The following DDX43 variants were observed in gnomAD, a reference collection of about 807,000 sequenced individuals.
DDX43 encodes DEAD-box helicase 43, also known as probable ATP-dependent RNA helicase DDX43.
DDX43 carries 50 observed loss-of-function variants against 84.9 expected under a neutral mutation model. The observed-to-expected ratio is 0.59, with a 90% CI of 0.47 to 0.75. The LOEUF (loss-of-function observed/expected upper bound fraction) is 0.75. DDX43 is among the 30% of genes least tolerant of loss of function. The probability of loss-of-function intolerance (pLI) is 0.00; values close to 1 mark genes in which losing one functional copy is unlikely to be tolerated. For synonymous variants in DDX43, 291 were observed against 266.3 expected (o/e 1.09, Z -0.90); for missense variants, 689 against 798.6 (o/e 0.86, Z 1.65).
intron 9 of DDX43, 56 bp downstream of exon 9, chr6:73,408,157 G>A (rs1292224954): frequency 1.9e-5 from 30 of 1,569,120 alleles, no homozygotes; most frequent in African/African-American, 1.1e-4. Context: ...TGAACTGGCC[G>A]GGCGCAGTGG....
In DDX43 at chr6:73,398,044, C is replaced by T. The variant is rs566095121; in HGVS notation, c.306+300C>T. 5.2e-5 allele frequency: 11 copies of T among 210,202 alleles called. No individual in the cohort carries two copies. The South Asian group carries it at 1.3e-3, about 26-fold the overall frequency. The allele number at this position is 210,202 out of a possible 1,614,324, so 13.0% of individuals were successfully genotyped here. ...CCAGGCTGCTCTCAACTCCTGGCCT[C>T]AAGTGATCCACTTGCCTTGGCCTCC... On this transcript the variant is annotated intron_variant, in intron 2 of 16. Transcript: ENST00000370336.
At chr6:73,404,665 G>T (rs1441624667) in intron 4 of DDX43, 25 bp from the exon 5 acceptor site, 2 of 1,552,658 alleles carry the variant, frequency 1.3e-6, no homozygotes, top group Non-Finnish European at 1.8e-6. Context: ...ATTTATCAAA[G>T]TGTGGATTTT....
At chr6:73,397,860 T>A in intron 2 of DDX43, 116 bp downstream of exon 2, 1 of 889,982 alleles carries the variant, frequency 1.1e-6, no homozygotes, top group Non-Finnish European at 1.8e-6. Flanking sequence ...TGGAGTGCAG[T>A]GACGTGATAT....
At chr6:73,412,690 TGCGC>T (rs1223544745) in intron 11 of DDX43, among the ~76,000 whole-genome samples, 4 of 113,960 alleles carry the variant, frequency 3.5e-5, no homozygotes, top group African/African-American at 1.3e-4. Flanking sequence ...TGTGTGTGTG[TGCGC>T]GTGCGTGCGC....
At chr6:73,397,829 G>C in intron 2 of DDX43, 85 bp downstream of exon 2, 1 of 1,232,286 alleles carries the variant, frequency 8.1e-7, no homozygotes, top group Non-Finnish European at 1.2e-6. Context: ...TTTTAAGACA[G>C]CCTCATTCTG....
rs546415495 is a variant in DDX43 at position 73,412,673 on chromosome 6, G to A, written c.1368+381G>A. Among the ~76,000 whole-genome samples, 5 of 110,246 alleles carry A rather than the reference G, an allele frequency of 4.5e-5. 1 individual carries two copies. The South Asian group carries it at 1.3e-3, about 28-fold the overall frequency. The allele number at this position is 110,246 out of a possible 152,430, so 72.3% of individuals were successfully genotyped here. On this transcript the variant is annotated intron_variant, in intron 11 of 16. Coordinates refer to ENST00000370336, the MANE Select transcript of DDX43 (RefSeq NM_018665.3). ...TGTGTGTGTGTGTGTGTGTGTGCGC[G>A]CGCGCGTGTGTGTGTGTGCGCGTGC...
rs538597626 is a variant in DDX43 at position 73,412,668 on chromosome 6, T to TGTGTGTGTGCGCGC, written c.1368+377_1368+378insTGTGTGTGCGCGCG. 1.3e-3 allele frequency among the ~76,000 whole-genome samples: 141 copies of TGTGTGTGTGCGCGC among 108,442 alleles called. 6 individuals carry two copies. The highest frequency in any genetic ancestry group is 7.5e-3 in the East Asian group (26 of 3,474). 71.1% of individuals were successfully genotyped at this position (108,442 alleles called of 152,430 possible). A position where few individuals can be genotyped will look rare whatever the true frequency, so the allele number is the denominator to read the frequency against. On this transcript the variant is annotated intron_variant, in intron 11 of 16. Transcript: ENST00000370336. ...GTGTGTGTGTGTGTGTGTGTGTGTG[T>TGTGTGTGTGCGCGC]GCGCGCGCGCGTGTGTGTGTGTGCG...
At chr6:73,401,598 C>T (rs538068415) in intron 3 of DDX43, among the ~76,000 whole-genome samples, 188 of 152,096 alleles carry the variant, frequency 1.2e-3, no homozygotes, top group Non-Finnish European at 2.5e-3. Context: ...GTCAGGAGAT[C>T]GAGACCATCC....
Position 73,406,345 on chromosome 6 carries a change from G to A in DDX43, c.808-19G>A, listed in dbSNP as rs377422519. 9.4e-5 allele frequency: 146 copies of A among 1,555,578 alleles called. No individual in the cohort carries two copies. Among genetic ancestry groups the A allele is most frequent in the Non-Finnish European group, 1.2e-4 (140 of 1,130,112 alleles). The stretch of plus-strand genomic sequence containing the variant: ...CAAAAGATGTACTTTTTGTGTTAAT[G>A]TTTATCATTCCGTTTCAGTCACAGG... On this transcript the variant is annotated intron_variant, in intron 6 of 16. Coordinates refer to ENST00000370336, the MANE Select transcript of DDX43 (RefSeq NM_018665.3).
rs376354487 is a variant in DDX43 at position 73,412,231 on chromosome 6, G to A, written c.1307G>A (p.Arg436His). 1.9e-5 allele frequency: 31 copies of A among 1,613,320 alleles called. No homozygotes were observed. Among genetic ancestry groups the A allele is most frequent in the East Asian group, 1.1e-4 (5 of 44,860 alleles). ...GCTACATGGCCTCATTCAGTTCATC[G>A]CCTCGCACAATCTTATTTGAAAGAA... is the stretch of plus-strand genomic sequence containing the variant. Reference protein sequence around the residue: ...TSATWPHSVHRLAQSYLKEPM... With the variant: ...TSATWPHSVHHLAQSYLKEPM... Residue 436 changes from arginine to histidine, a missense_variant, in exon 11 of 17, where the codon CGC (arginine) becomes CAC (histidine). Physicochemically the swap from Arg to His is conservative, Grantham distance 29. This residue lies in a region of DDX43 where 552 missense variants were observed against 692.7 expected (regional missense o/e 0.80). Coordinates refer to ENST00000370336, the MANE Select transcript of DDX43 (RefSeq NM_018665.3).
chr6:73,412,678 CGTGTGT>C (rs1554236194), intron 11 of DDX43, among the ~76,000 whole-genome samples: 1 of 76,406 alleles, frequency 1.3e-5, no homozygotes, highest in Non-Finnish European at 3.0e-5. Flanking sequence ...TGCGCGCGCG[CGTGTGT>C]GTGTGTGCGC....
At chr6:73,408,161 G>T in intron 9 of DDX43, 60 bp downstream of exon 9, 2 of 1,565,020 alleles carry the variant, frequency 1.3e-6, no homozygotes, top group South Asian at 1.1e-5. Context: ...CTGGCCGGGC[G>T]CAGTGGGTCA....
At chr6:73,404,103 AGCC>A (rs370120707) in intron 4 of DDX43, among the ~76,000 whole-genome samples, 1 of 149,174 alleles carries the variant, frequency 6.7e-6, no homozygotes, top group African/African-American at 2.5e-5. Context: ...TACAGGCGTG[AGCC>A]GCCGCCGCCG....
In DDX43 at chr6:73,401,882, G is replaced by T. The variant is rs377077325; in HGVS notation, c.460G>T (p.Gly154Ter). ...GIDTAFQPSV[G>*]KDGSTDNNVV... is the part of the protein sequence containing the mutation. ...AGATACTGCATTCCAACCTTCTGTT[G>T]GAAAAGATGGAAGCACAGATAACAA... The change falls in exon 4 of 17, where the codon GGA becomes TGA. Residue 154 changes from glycine to a stop codon, truncating the protein, a stop_gained. Coordinates refer to ENST00000370336, the MANE Select transcript of DDX43 (RefSeq NM_018665.3). LOFTEE classifies it high-confidence loss of function. 6.2e-7 allele frequency: 1 copy of T among 1,613,650 alleles called. No homozygotes were observed. The highest frequency in any genetic ancestry group is 1.3e-5 in the African/African-American group (1 of 74,878).
intron 10 of DDX43, 52 bp downstream of exon 10, chr6:73,409,400 T>C (rs1443625781): frequency 1.4e-6 from 2 of 1,392,848 alleles, no homozygotes; most frequent in African/African-American, 1.4e-5. Context: ...TGGAATAGAA[T>C]CTCATTCTGT....
intron 7 of DDX43, among the ~76,000 whole-genome samples, chr6:73,407,203 C>T (rs902635451): frequency 5.3e-5 from 8 of 152,060 alleles, no homozygotes; most frequent in East Asian, 1.9e-4. Context: ...CTGCAACCTC[C>T]GCCTCCTGGG....
chr6:73,404,630 G>A, intron 4 of DDX43, 60 bp from the exon 5 acceptor site: 1 of 1,216,754 alleles, frequency 8.2e-7, no homozygotes, highest in Non-Finnish European at 1.2e-6. Flanking sequence ...CTGTAGCTTT[G>A]ACTAAGTATT....
chr6:73,408,618 A>G (rs899206285), intron 9 of DDX43, among the ~76,000 whole-genome samples: 14 of 151,550 alleles, frequency 9.2e-5, no homozygotes, highest in African/African-American at 1.9e-4. Context: ...GTGCTGTCGC[A>G]TGATCTTGGC....
At chr6:73,415,064 G>C (rs1292410680) in intron 14 of DDX43, among the ~76,000 whole-genome samples, 1 of 152,120 alleles carries the variant, frequency 6.6e-6, no homozygotes, top group Non-Finnish European at 1.5e-5. Flanking sequence ...TTGGGAGGCC[G>C]AGGCAGGTGG....
Sources: allele counts gnomAD v4.1 joint callset (sites outside exome capture counted in the v4.1 genomes callset), GRCh38; gene constraint gnomAD v4.1.1; regional missense constraint gnomAD v4.1.1; transcripts MANE v1.5; gene names NCBI Gene and HGNC (gene_info 2026-07-23, HGNC 2026-07-21).